BMP2K: variants seen among roughly 807,000 people sequenced by gnomAD.
The protein encoded by BMP2K is BMP2 inducible kinase.
Under a neutral mutation model 116.0 loss-of-function variants are expected in BMP2K, and 74 were observed. That is an observed-to-expected ratio of 0.64 (90% CI 0.53 to 0.77). BMP2K has a LOEUF of 0.77. Ranked by LOEUF, BMP2K falls within the 30% of genes least tolerant of loss-of-function variation. BMP2K has a pLI of 0.00. For synonymous variants in BMP2K, 486 were observed against 502.5 expected (o/e 0.97, Z 0.44); for missense variants, 1,365 against 1,403.6 (o/e 0.97, Z 0.44).
At chr4:78,893,759 C>T (rs1733562265) in intron 15 of BMP2K, among the ~76,000 whole-genome samples, 1 of 152,152 alleles carries the variant, frequency 6.6e-6, no homozygotes. Context: ...GAGTTTGGGT[C>T]TCACTATGTT....
intron 15 of BMP2K, among the ~76,000 whole-genome samples, chr4:78,900,378 A>T (rs545422590): frequency 8.5e-5 from 13 of 152,308 alleles, no homozygotes; most frequent in African/African-American, 3.1e-4. Flanking sequence ...TGATACCTCT[A>T]ATCCCCTCAT....
At chr4:78,901,533 C>T (rs571425835) in intron 15 of BMP2K, among the ~76,000 whole-genome samples, 1 of 152,226 alleles carries the variant, frequency 6.6e-6, no homozygotes, top group East Asian at 1.9e-4. Context: ...AAGATGGTGC[C>T]ATTCCTATTT....
chr4:78,784,805 C>G (rs781106671), intron 1 of BMP2K, among the ~76,000 whole-genome samples: 4 of 152,186 alleles, frequency 2.6e-5, no homozygotes, highest in Non-Finnish European at 5.9e-5. Flanking sequence ...CCTGTTCTGC[C>G]TCTAACTTGC....
intron 5 of BMP2K, 59 bp from the exon 6 acceptor site, chr4:78,847,120 ATGTATTATC>A (rs1731039958): frequency 2.3e-6 from 2 of 870,712 alleles, no homozygotes; most frequent in Admixed American, 7.7e-5. Flanking sequence ...TGTAGAAACA[ATGTATTATC>A]TGTCTTTTTT....
intron 9 of BMP2K, among the ~76,000 whole-genome samples, chr4:78,865,122 T>A (rs1166347799): frequency 1.3e-5 from 2 of 152,224 alleles, no homozygotes; most frequent in African/African-American, 4.8e-5. Context: ...GGCCACAGTC[T>A]TTTCTTTTTT....
intron 14 of BMP2K, among the ~76,000 whole-genome samples, chr4:78,883,014 C>T (rs1577955809): frequency 6.6e-6 from 1 of 152,120 alleles, no homozygotes; most frequent in South Asian, 2.1e-4. Context: ...TCCATATAAG[C>T]AGCAGAATTA....
intron 15 of BMP2K, among the ~76,000 whole-genome samples, chr4:78,904,848 T>C (rs1219325904): frequency 1.3e-5 from 2 of 151,964 alleles, no homozygotes; most frequent in African/African-American, 4.8e-5. Context: ...TGTGAAAGTC[T>C]ATGATTTTAT....
At chr4:78,888,940 G>A (rs536163372) in intron 15 of BMP2K, among the ~76,000 whole-genome samples, 2 of 152,234 alleles carry the variant, frequency 1.3e-5, no homozygotes, top group South Asian at 4.1e-4. Context: ...CCCATTAATG[G>A]GCCGGGCGCG....
intron 1 of BMP2K, among the ~76,000 whole-genome samples, chr4:78,791,103 C>T (rs557040117): frequency 5.3e-5 from 8 of 152,146 alleles, no homozygotes; most frequent in African/African-American, 1.9e-4. Flanking sequence ...AGTTTATATC[C>T]TGTTCAGCCT....
At chr4:78,828,364 C>T (rs187532445) in intron 2 of BMP2K, among the ~76,000 whole-genome samples, 24 of 152,280 alleles carry the variant, frequency 1.6e-4, no homozygotes, top group Middle Eastern at 3.4e-3. Flanking sequence ...TCCTTGCCTC[C>T]GTGGGCACAC....
At chr4:78,852,930 A>G (rs938390814) in intron 7 of BMP2K, among the ~76,000 whole-genome samples, 2 of 151,998 alleles carry the variant, frequency 1.3e-5, no homozygotes, top group African/African-American at 2.4e-5. Flanking sequence ...ATATTTTTCA[A>G]ATGTGGCCTT....
At chr4:78,790,716 C>T (rs1234781749) in intron 1 of BMP2K, among the ~76,000 whole-genome samples, 1 of 152,000 alleles carries the variant, frequency 6.6e-6, no homozygotes, top group Non-Finnish European at 1.5e-5. Context: ...CTGAGTAAAA[C>T]GAGCTTTTTC....
intron 2 of BMP2K, among the ~76,000 whole-genome samples, chr4:78,829,743 C>T (rs1212115140): frequency 7.1e-6 from 1 of 141,708 alleles, no homozygotes. Flanking sequence ...TGTTAGCAGG[C>T]ATGGAAACAA....
At chr4:78,893,972 C>T (rs1733573362) in intron 15 of BMP2K, among the ~76,000 whole-genome samples, 1 of 152,204 alleles carries the variant, frequency 6.6e-6, no homozygotes, top group African/African-American at 2.4e-5. Flanking sequence ...TCCATCAGAG[C>T]TCTTGGGTGA....
At chr4:78,868,312 A>G (rs1732160564) in intron 10 of BMP2K, among the ~76,000 whole-genome samples, 6 of 152,200 alleles carry the variant, frequency 3.9e-5, no homozygotes, top group South Asian at 2.1e-4. Flanking sequence ...GTCAGATCTC[A>G]TGAGACTTAT....
chr4:78,868,250 G>A (rs544572620), intron 10 of BMP2K, among the ~76,000 whole-genome samples: 4 of 152,054 alleles, frequency 2.6e-5, no homozygotes, highest in African/African-American at 7.2e-5. Context: ...CTTACATGGC[G>A]GCAACAAGAG....
chr4:78,825,783 T>G (rs534992502), intron 1 of BMP2K, among the ~76,000 whole-genome samples: 1 of 152,354 alleles, frequency 6.6e-6, no homozygotes, highest in African/African-American at 2.4e-5. Context: ...GGTATTCTAG[T>G]GCAAAAGGTG....
In BMP2K at chr4:78,870,927, A is replaced by T. The variant is rs1451748421; in HGVS notation, c.1376A>T (p.His459Leu). Residue 459 changes from histidine (H) to leucine (L), a missense_variant, in exon 11 of 16, where the codon CAC becomes CTC. By Grantham distance (99) the His-to-Leu change is moderately conservative (BLOSUM62 -3). This residue lies in a region of BMP2K where 762 missense variants were observed against 756.7 expected (regional missense o/e 1.01). Coordinates refer to ENST00000502613, the MANE Select transcript of BMP2K (RefSeq NM_198892.2). ...CTCCATTTACAGCATCGTCATCCTC[A>T]CCAGCAGCAGCAGCAGCAGCAGCAG... ...QQLHLQHRHP[H>L]QQQQQQQQQQ... 11 of 1,610,264 alleles carry T rather than the reference A, an allele frequency of 6.8e-6. No individual in the cohort carries two copies. The highest frequency in any genetic ancestry group is 9.3e-6 in the Non-Finnish European group (11 of 1,180,024).
intron 13 of BMP2K, among the ~76,000 whole-genome samples, chr4:78,876,296 T>A (rs556624501): frequency 5.9e-5 from 9 of 152,062 alleles, no homozygotes; most frequent in Non-Finnish European, 1.3e-4. Context: ...AAACATCTGA[T>A]CTGTGTTTTA....
Sources: allele counts gnomAD v4.1 joint callset (sites outside exome capture counted in the v4.1 genomes callset), GRCh38; gene constraint gnomAD v4.1.1; regional missense constraint gnomAD v4.1.1; transcripts MANE v1.5; gene names NCBI Gene and HGNC (gene_info 2026-07-23, HGNC 2026-07-21).